The following PSMA2 variants were observed in gnomAD, a reference collection of about 807,000 sequenced individuals.
The protein encoded by PSMA2 is proteasome 20S subunit alpha 2, also known as proteasome subunit alpha type-2.
In PSMA2, 2 loss-of-function variants were observed where a neutral mutation model predicts 35.9. That is an observed-to-expected ratio of 0.06 (90% CI 0.02 to 0.18). The LOEUF (loss-of-function observed/expected upper bound fraction) is 0.18, where lower values mean the gene tolerates loss of function less well. Among genes scored for constraint, PSMA2 ranks in the 10% least tolerant of loss-of-function variants. The pLI, the probability that PSMA2 is intolerant of heterozygous loss-of-function variation, is 1.00. For synonymous variants in PSMA2, 97 were observed against 98.2 expected, an observed-to-expected ratio of 0.99 and a Z score of 0.07; for missense variants, 126 against 278.8, an observed-to-expected ratio of 0.45 and a Z score of 3.90.
Position 42,917,699 on chromosome 7 carries a change from G to A in PSMA2, c.589-9C>T, listed in dbSNP as rs1417879756. On this transcript the variant is annotated splice_polypyrimidine_tract_variant and intron_variant, in intron 7 of 7. Transcript: ENST00000223321. ...TGCCCTTCAAAGCTTTCCTATTGAG[G>A]AGGGAGGAAAAAAGGTCAATTTTCT... is the stretch of plus-strand genomic sequence containing the variant. 3 of 1,612,540 alleles carry A rather than the reference G, an allele frequency of 1.9e-6. No individual in the cohort carries two copies. Among genetic ancestry groups the A allele is most frequent in the Non-Finnish European group, 2.5e-6 (3 of 1,179,052 alleles).
At chr7:42,919,194 A>G (rs970571183) in intron 6 of PSMA2, 2 of 600,696 alleles carry the variant, frequency 3.3e-6, no homozygotes, top group Middle Eastern at 4.9e-4. Context: ...GAGATACAGG[A>G]GACTGGATTG....
At chr7:42,920,150 A>G in intron 6 of PSMA2, 1 of 386,638 alleles carries the variant, frequency 2.6e-6, no homozygotes, top group South Asian at 3.0e-5. Flanking sequence ...AGCAGAGAAA[A>G]GCATCAGCCT....
At position 42,917,701 on chromosome 7, in the gene PSMA2, G is replaced by T; in HGVS notation, c.589-11C>A. 1 of 1,611,942 alleles carries T rather than the reference G, an allele frequency of 6.2e-7. No homozygotes were observed. The highest frequency in any genetic ancestry group is 8.5e-7 in the Non-Finnish European group (1 of 1,178,694). On this transcript the variant is annotated splice_polypyrimidine_tract_variant and intron_variant, in intron 7 of 7. Transcript: ENST00000223321. ...CCCTTCAAAGCTTTCCTATTGAGGA[G>T]GGAGGAAAAAAGGTCAATTTTCTAA...
At chr7:42,927,594 A>G (rs1268581445) in intron 1 of PSMA2, 135 bp from the exon 2 acceptor site, 12 of 781,740 alleles carry the variant, frequency 1.5e-5, no homozygotes, top group Non-Finnish European at 2.3e-5. Context: ...TTTGACCTCT[A>G]TCATGAAGTG....
At chr7:42,922,764 T>G (rs1333051377) in intron 5 of PSMA2, among the ~76,000 whole-genome samples, 1 of 152,196 alleles carries the variant, frequency 6.6e-6, no homozygotes, top group African/African-American at 2.4e-5. Flanking sequence ...TTTCCTAATC[T>G]TGAATTTTGT....
chr7:42,925,389 C>T (rs555571228), intron 3 of PSMA2, among the ~76,000 whole-genome samples: 2 of 152,274 alleles, frequency 1.3e-5, no homozygotes, highest in Non-Finnish European at 2.9e-5. Context: ...CTGGGCAAGA[C>T]CCTGGGTTAC....
chr7:42,930,864 G>A (rs545203791), intron 1 of PSMA2, among the ~76,000 whole-genome samples: 11 of 152,054 alleles, frequency 7.2e-5, no homozygotes, highest in Non-Finnish European at 1.5e-4. Context: ...TAGGAACAGT[G>A]AATACATCCT....
At chr7:42,919,161 C>T (rs1004400523) in intron 6 of PSMA2, 8 of 545,418 alleles carry the variant, frequency 1.5e-5, no homozygotes, top group South Asian at 3.3e-5. Flanking sequence ...CTTGCAAAGA[C>T]GGCAAACCTA....
chr7:42,920,494 A>G (rs1372182144), intron 6 of PSMA2: 2 of 152,480 alleles, frequency 1.3e-5, no homozygotes, highest in Non-Finnish European at 1.5e-5. Flanking sequence ...TTGGTTGTAA[A>G]GAGGGAATAC....
rs2128673077 is a variant in PSMA2 at position 42,916,906 on chromosome 7, AT to A, written c.*667del. The A allele has an allele frequency of 6.6e-6, 1 of 152,336 alleles. No individual in the cohort carries two copies. Among genetic ancestry groups the A allele is most frequent in the South Asian group, 2.1e-4 (1 of 4,832 alleles). The allele number at this position is 152,336 out of a possible 1,614,324, so 9.4% of individuals were successfully genotyped here. A position where few individuals can be genotyped will look rare whatever the true frequency, so the allele number is the denominator to read the frequency against. On this transcript the variant is annotated 3_prime_UTR_variant, in exon 8 of 8. Coordinates refer to ENST00000223321, the MANE Select transcript of PSMA2 (RefSeq NM_002787.5). Reference sequence around the variant, plus strand: ...CATTTTATTTCAAGCACTTATGCTCATCCTTGAGTTTAAAAAGTCTAACAAA... The same window carrying A: ...CATTTTATTTCAAGCACTTATGCTCACCTTGAGTTTAAAAAGTCTAACAAA...
rs567865480 is a variant in PSMA2, at chr7:42,926,033, C to A, written c.251+503G>T. On this transcript the variant is annotated intron_variant, in intron 3 of 7. Transcript: ENST00000223321. ...GTGAAATATAAAGGGGGTGATTACACAAGCATTGGGATCCTGGTTGGCTGC... is the reference window on the plus strand; with the variant it reads ...GTGAAATATAAAGGGGGTGATTACAAAAGCATTGGGATCCTGGTTGGCTGC... Among the ~76,000 whole-genome samples the A allele has an allele frequency of 3.9e-5, 6 of 152,314 alleles. 1 individual carries two copies. The highest frequency in any genetic ancestry group is 1.4e-4 in the African/African-American group (6 of 41,568).
At chr7:42,924,286 A>G (rs527980258) in intron 4 of PSMA2, among the ~76,000 whole-genome samples, 6 of 138,498 alleles carry the variant, frequency 4.3e-5, no homozygotes, top group Non-Finnish European at 7.7e-5. Context: ...CCCAGGAGGC[A>G]GAGGTTGCAG....
At position 42,932,114 on chromosome 7, in the gene PSMA2, A is replaced by G. The variant is rs888503345; in HGVS notation, c.41+4T>C. On this transcript the variant is annotated splice_donor_region_variant and intron_variant, in intron 1 of 7. Coordinates refer to ENST00000223321, the MANE Select transcript of PSMA2 (RefSeq NM_002787.5). ...GCTGAAGACCTCGAGGGCCCCTTCC[A>G]TACCTGAATGTAGTCAGCGAAAAGC... 5 of 1,614,022 alleles carry G rather than the reference A, an allele frequency of 3.1e-6. No homozygotes were observed. The highest frequency in any genetic ancestry group is 2.7e-5 in the African/African-American group (2 of 74,924).
chr7:42,924,777 C>T lies in PSMA2; in HGVS notation c.272G>A (p.Arg91Gln), dbSNP rs151168516. Residue 91 changes from arginine to glutamine, a missense_variant, in exon 4 of 8, where the codon CGA (arginine) becomes CAA (glutamine). This residue lies in a region of PSMA2 where 78 missense variants were observed against 151.1 expected (regional missense o/e 0.52). Coordinates refer to ENST00000223321, the MANE Select transcript of PSMA2 (RefSeq NM_002787.5). ...PDYRVLVHRA[R>Q]KLAQQYYLVY... ...AAGATAGTATTGTTGAGCTAGTTTT[C>T]GAGCTCTGTGCACAAGCACTCTAAC... 7.4e-6 allele frequency: 12 copies of T among 1,611,578 alleles called. No homozygotes were observed. Among genetic ancestry groups the T allele is most frequent in the Non-Finnish European group, 9.3e-6 (11 of 1,178,536 alleles).
At position 42,929,159 on chromosome 7, in the gene PSMA2, A is replaced by G. The variant is rs1204642521; in HGVS notation, c.42-1700T>C. ...CATAACCTAATACCAGGAATCCACA[A>G]TCATTTGGCTGACAGAGACACATCT... On this transcript the variant is annotated intron_variant, in intron 1 of 7. Coordinates refer to ENST00000223321, the MANE Select transcript of PSMA2 (RefSeq NM_002787.5). Among the ~76,000 whole-genome samples the G allele has an allele frequency of 4.6e-5, 7 of 152,206 alleles. No individual in the cohort carries two copies. In the East Asian group the frequency reaches 1.3e-3, roughly 29 times the overall value.
At chr7:42,919,928 T>C (rs952789046) in intron 6 of PSMA2, 6 of 754,966 alleles carry the variant, frequency 7.9e-6, no homozygotes, top group East Asian at 2.5e-5. Context: ...CAAACTGTGG[T>C]AGGAAAAACA....
intron 1 of PSMA2, among the ~76,000 whole-genome samples, chr7:42,931,559 T>C (rs995407011): frequency 6.6e-6 from 1 of 151,662 alleles, no homozygotes; most frequent in African/African-American, 2.4e-5. Flanking sequence ...AAAAAAGTGA[T>C]AGGGGCTTTC....
Position 42,927,368 on chromosome 7 carries a change from G to A in PSMA2, c.118+15C>T. The A allele has an allele frequency of 6.2e-7, 1 of 1,603,044 alleles. No individual in the cohort carries two copies. Among genetic ancestry groups the A allele is most frequent in the East Asian group, 2.2e-5 (1 of 44,830 alleles). On this transcript the variant is annotated intron_variant, in intron 2 of 7. Coordinates refer to ENST00000223321, the MANE Select transcript of PSMA2 (RefSeq NM_002787.5). ...CTACTAACAGGCATCTGAAATGAAT[G>A]AAGCATTTCATTACCTTTAATTCCC...
intron 6 of PSMA2, chr7:42,921,199 A>G (rs1786124143): frequency 6.6e-6 from 1 of 152,220 alleles, no homozygotes; most frequent in African/African-American, 2.4e-5. Flanking sequence ...TGGATATCCA[A>G]TTACCCTGAT....
Sources: gnomAD v4.1 joint callset for allele counts (sites outside exome capture counted in the v4.1 genomes callset) on GRCh38, gnomAD v4.1.1 for gene constraint, gnomAD v4.1.1 regional missense constraint, MANE v1.5 for transcripts, NCBI Gene and HGNC (gene_info 2026-07-23, HGNC 2026-07-21) for gene names.